ZBTB37: variants seen among roughly 807,000 people sequenced by gnomAD.
ZBTB37 encodes the protein zinc finger and BTB domain containing 37.
Under a neutral mutation model 37.7 loss-of-function variants are expected in ZBTB37, and 15 were observed. That is an observed-to-expected ratio of 0.40 (90% CI 0.27 to 0.61). The LOEUF (loss-of-function observed/expected upper bound fraction) is 0.61, where lower values mean the gene tolerates loss of function less well. Among genes scored for constraint, ZBTB37 ranks in the 20% least tolerant of loss-of-function variants. The pLI, the probability that ZBTB37 is intolerant of heterozygous loss-of-function variation, is 0.44. For synonymous variants in ZBTB37, 231 were observed against 220.6 expected (o/e 1.05, Z -0.42); for missense variants, 514 against 641.9 (o/e 0.80, Z 2.15).
intron 4 of ZBTB37, among the ~76,000 whole-genome samples, chr1:173,883,481 A>G (rs1656450367): frequency 6.6e-6 from 1 of 152,242 alleles, no homozygotes; most frequent in African/African-American, 2.4e-5. Flanking sequence ...CAAAAAAAAG[A>G]AAAGTGTACT....
exon 4 of ZBTB37, chr1:173,898,343 C>T (rs560574692): frequency 1.3e-5 from 2 of 151,992 alleles, no homozygotes; most frequent in Admixed American, 6.6e-5. Flanking sequence ...CATCTGTAAT[C>T]CCAGCTACTC....
At chr1:173,883,462 A>G (rs1175507704) in intron 4 of ZBTB37, among the ~76,000 whole-genome samples, 1 of 151,982 alleles carries the variant, frequency 6.6e-6, no homozygotes, top group African/African-American at 2.4e-5. Flanking sequence ...AAAGAGCGAA[A>G]CTCCGTCTCA....
At chr1:173,872,223 C>T (rs114622977) in intron 3 of ZBTB37, among the ~76,000 whole-genome samples, 2,179 of 152,144 alleles carry the variant, frequency 0.014, 21 homozygotes, top group Admixed American at 0.023. Flanking sequence ...TCCCTGCCCC[C>T]ATGCTCAGCT....
downstream of ZBTB37, chr1:173,887,534 G>GA (rs1185443468): frequency 6.6e-6 from 1 of 152,168 alleles, no homozygotes; most frequent in East Asian, 1.9e-4. Context: ...GTATTTCTAA[G>GA]ATTCTTAATC....
chr1:173,885,872 C>A (rs1411243059), exon 5 of ZBTB37: 1 of 1,551,878 alleles, frequency 6.4e-7, no homozygotes. Context: ...AGTATCATAT[C>A]CGCAAGCACA....
exon 5 of ZBTB37, chr1:173,886,515 C>T (rs1434891151): frequency 2.4e-5 from 4 of 168,128 alleles, no homozygotes; most frequent in African/African-American, 4.8e-5. Context: ...CTAAAAAATG[C>T]AGCAGGAGCC....
At chr1:173,878,052 G>T (rs1179208970) in intron 4 of ZBTB37, among the ~76,000 whole-genome samples, 1 of 152,106 alleles carries the variant, frequency 6.6e-6, no homozygotes, top group African/African-American at 2.4e-5. Context: ...CAAACAGATA[G>T]ACTCTCCCTG....
chr1:173,883,789 A>T (rs903862199), intron 4 of ZBTB37, among the ~76,000 whole-genome samples: 2 of 152,228 alleles, frequency 1.3e-5, no homozygotes, highest in Non-Finnish European at 2.9e-5. Context: ...AACTGCCTCT[A>T]TTGGAAAGGC....
chr1:173,893,101 C>G (rs1969757), exon 4 of ZBTB37: 14,752 of 152,206 alleles, frequency 0.097, 850 homozygotes, highest in Middle Eastern at 0.17. Flanking sequence ...TGGGGTTTCA[C>G]CATGTTGGCC....
chr1:173,868,817 T>G (rs560653781), intron 1 of ZBTB37, 108 bp from the exon 2 acceptor site: 1 of 153,342 alleles, frequency 6.5e-6, no homozygotes, highest in Admixed American at 6.5e-5. Context: ...TCAGTGACAT[T>G]TTGCCCTTTA....
exon 4 of ZBTB37, chr1:173,897,490 G>C (rs1265958149): frequency 6.6e-6 from 1 of 152,224 alleles, no homozygotes; most frequent in Non-Finnish European, 1.5e-5. Flanking sequence ...ACCTGAGTAG[G>C]GTTGGGGATT....
Position 173,886,233 on chromosome 1 carries a change from G to A in ZBTB37, c.*109G>A, listed in dbSNP as rs910407701. On this transcript the variant is annotated 3_prime_UTR_variant, in exon 5 of 5. Coordinates refer to ENST00000427304, the Ensembl canonical transcript of ZBTB37. ...CACAAAATGCCACATCACTAGGCCA[G>A]AAGATGCTCCCAAGATGTTGCCAAA... 9.7e-6 allele frequency: 14 copies of A among 1,445,668 alleles called. No individual in the cohort carries two copies. The African/African-American group carries it at 1.9e-4, about 19-fold the overall frequency. 89.6% of individuals were successfully genotyped at this position (1,445,668 alleles called of 1,614,324 possible).
chr1:173,896,093 T>G (rs1657032926), exon 4 of ZBTB37: 1 of 152,154 alleles, frequency 6.6e-6, no homozygotes, highest in Non-Finnish European at 1.5e-5. Flanking sequence ...AAGACTTAAT[T>G]TTGGGTACCT....
chr1:173,873,134 A>G (rs1471116130), intron 3 of ZBTB37, among the ~76,000 whole-genome samples: 1 of 152,222 alleles, frequency 6.6e-6, no homozygotes, highest in African/African-American at 2.4e-5. Context: ...CCTGGTAATT[A>G]CGTAGAAGAA....
chr1:173,870,259 C>T, exon 3 of ZBTB37: 1 of 1,613,904 alleles, frequency 6.2e-7, no homozygotes, highest in Non-Finnish European at 8.5e-7. Flanking sequence ...ATTGGAGATT[C>T]CTGACTTCAG....
At chr1:173,879,251 A>G (rs1164986534) in intron 4 of ZBTB37, among the ~76,000 whole-genome samples, 1 of 152,200 alleles carries the variant, frequency 6.6e-6, no homozygotes, top group Non-Finnish European at 1.5e-5. Flanking sequence ...TTTAGCATGA[A>G]TCACATCAAG....
chr1:173,877,079 A>G (rs1295745983), intron 4 of ZBTB37, among the ~76,000 whole-genome samples: 1 of 152,096 alleles, frequency 6.6e-6, no homozygotes, highest in Non-Finnish European at 1.5e-5. Context: ...TTGTGTATCT[A>G]AACATAGAAA....
Position 173,882,637 on chromosome 1 carries a change from T to TTAA in ZBTB37, c.1024-2999_1024-2998insTAA, listed in dbSNP as rs538866300. Among the ~76,000 whole-genome samples, 42 of 152,348 alleles carry TTAA rather than the reference T, an allele frequency of 2.8e-4. 1 individual carries two copies. In the South Asian group the frequency reaches 8.5e-3, roughly 31 times the overall value. On this transcript the variant is annotated intron_variant, in intron 4 of 4. Coordinates refer to ENST00000427304, the Ensembl canonical transcript of ZBTB37. ...GTTGCCATTGCTTTTGGTGTTTTAG[T>TTAA]CATGATGTCCTTGCCCATGCCCATG...
chr1:173,898,994 G>A (rs1208236812), exon 4 of ZBTB37: 1 of 152,198 alleles, frequency 6.6e-6, no homozygotes, highest in African/African-American at 2.4e-5. Flanking sequence ...CCGTATTTTA[G>A]GAACTAGCTG....
Sources: allele counts gnomAD v4.1 joint callset (sites outside exome capture counted in the v4.1 genomes callset), GRCh38; gene constraint gnomAD v4.1.1; transcripts MANE v1.5; gene names NCBI Gene and HGNC (gene_info 2026-07-23, HGNC 2026-07-21).